ACOX1: variants seen among roughly 807,000 people sequenced by gnomAD.
ACOX1 encodes acyl-CoA oxidase 1, also known as peroxisomal acyl-coenzyme A oxidase 1.
In ACOX1, 41 loss-of-function variants were observed where a neutral mutation model predicts 75.5. That is an observed-to-expected ratio of 0.54 (90% CI 0.42 to 0.70). The LOEUF is 0.70. ACOX1 is among the 30% of genes least tolerant of loss of function. The pLI is 0.00. For synonymous variants in ACOX1, 303 were observed against 298.8 expected, an observed-to-expected ratio of 1.01 and a Z score of -0.15; for missense variants, 630 against 837.5, an observed-to-expected ratio of 0.75 and a Z score of 3.06.
At chr17:75,966,964 T>C (rs1158041968) in intron 2 of ACOX1, among the ~76,000 whole-genome samples, 3 of 148,560 alleles carry the variant, frequency 2.0e-5, no homozygotes, top group Admixed American at 1.4e-4. Context: ...AAGATAATAA[T>C]GGGAAAAAGC....
At chr17:75,963,888 TA>T (rs56150125) in intron 2 of ACOX1, among the ~76,000 whole-genome samples, 302 of 134,552 alleles carry the variant, frequency 2.2e-3, no homozygotes, top group Middle Eastern at 3.9e-3. Context: ...ATTTCAAAAT[TA>T]AAAAAAAAAA....
chr17:75,975,244 T>C (rs2066037080), intron 2 of ACOX1, among the ~76,000 whole-genome samples: 2 of 152,066 alleles, frequency 1.3e-5, no homozygotes, highest in African/African-American at 4.8e-5. Flanking sequence ...CGGCAACCTC[T>C]GCCTCCTAGG....
chr17:75,948,228 G>T (rs753555853), intron 13 of ACOX1, 23 bp downstream of exon 13: 4 of 1,610,708 alleles, frequency 2.5e-6, no homozygotes, highest in African/African-American at 2.7e-5. Flanking sequence ...TTTTAAAAAG[G>T]TGCAGAGACA....
At chr17:75,958,053 C>T (rs756983056) in intron 3 of ACOX1, among the ~76,000 whole-genome samples, 4 of 152,066 alleles carry the variant, frequency 2.6e-5, no homozygotes, top group African/African-American at 4.8e-5. Context: ...AGCCAAAATT[C>T]GTATAAATTA....
At chr17:75,953,275 T>G (rs2065790900) in intron 7 of ACOX1, 176 bp downstream of exon 7, 1 of 654,006 alleles carries the variant, frequency 1.5e-6, no homozygotes, top group African/African-American at 1.8e-5. Context: ...GGTGGTTATT[T>G]CTGTCTTTCC....
At chr17:75,967,709 T>TAC (rs1449731618) in intron 2 of ACOX1, among the ~76,000 whole-genome samples, 1 of 135,478 alleles carries the variant, frequency 7.4e-6, no homozygotes, top group South Asian at 2.2e-4. Context: ...TATATATACA[T>TAC]ATATATATAC....
In ACOX1 at chr17:75,955,939, T is replaced by C; in HGVS notation, c.547A>G (p.Thr183Ala). 2 of 1,614,150 alleles carry C rather than the reference T, an allele frequency of 1.2e-6. No homozygotes were observed. Among genetic ancestry groups the C allele is most frequent in the Non-Finnish European group, 1.7e-6 (2 of 1,180,000 alleles). Residue 183 changes from threonine (T) to alanine (A), a missense_variant, in exon 5 of 14, where the codon ACT becomes GCT. By Grantham distance (58) the Thr-to-Ala change is moderately conservative. Transcript: ENST00000293217. ...IKWWPGGLGK[T>A]SNHAIVLAQL... ...GCAAGAACTATTGCATGATTTGAAG[T>C]CTTTCCAACTGTAATATCAAAGAGA... is the stretch of plus-strand genomic sequence containing the variant.
At chr17:75,955,975 G>A (rs2065821080) in intron 4 of ACOX1, 28 bp from the exon 5 acceptor site, 2 of 1,613,664 alleles carry the variant, frequency 1.2e-6, no homozygotes, top group South Asian at 2.2e-5. Context: ...ACAAGGGAGG[G>A]GTGGGCAAAC....
chr17:75,960,351 C>T lies in ACOX1; in HGVS notation c.294G>A (p.Glu98=), dbSNP rs1291431859. The stretch of plus-strand genomic sequence containing the variant: ...ACATGCCCAAGTGAAGATCCAGAGG[C>T]TCAGGCCGCCCTCGGTGCACAAAAC... ...FKNFVHRGRP[E]PLDLHLGMFL... is the part of the protein sequence containing the mutation. Residue 98 remains glutamate, a synonymous_variant, in exon 3 of 14, where the codon GAG becomes GAA. Transcript: ENST00000293217. This position sits in a 1 kb window ranked among gnomAD's most constrained non-coding sequence, Gnocchi z 4.4. 3 of 1,614,020 alleles carry T rather than the reference C, an allele frequency of 1.9e-6. No homozygotes were observed. Among genetic ancestry groups the T allele is most frequent in the African/African-American group, 1.3e-5 (1 of 74,924 alleles).
intron 2 of ACOX1, among the ~76,000 whole-genome samples, chr17:75,976,733 C>G (rs919434541): frequency 6.6e-6 from 1 of 152,044 alleles, no homozygotes; most frequent in African/African-American, 2.4e-5. Flanking sequence ...AGCTGAAAAT[C>G]GATACCAAAG....
Position 75,949,589 on chromosome 17 carries a change from A to G in ACOX1, c.1490T>C (p.Ile497Thr). ...TTCTTTTTGAAGGTTTTTTGCAGCAATTTCTACTAATCTGTTAAGACATAG... is the reference window on the plus strand; with the variant it reads ...TTCTTTTTGAAGGTTTTTTGCAGCAGTTTCTACTAATCTGTTAAGACATAG... ...YKLRAARLVE[I>T]AAKNLQKEVI... Residue 497 changes from isoleucine to threonine, a missense_variant, in exon 11 of 14, where the codon ATT becomes ACT. Coordinates refer to ENST00000293217, the MANE Select transcript of ACOX1 (RefSeq NM_004035.7). 1.9e-6 allele frequency: 3 copies of G among 1,614,060 alleles called. No homozygotes were observed. The highest frequency in any genetic ancestry group is 2.5e-6 in the Non-Finnish European group (3 of 1,179,996).
rs1453071543 is a variant in ACOX1, at chr17:75,958,154, T to A, written c.431-588A>T. Among the ~76,000 whole-genome samples the A allele has an allele frequency of 1.9e-3, 229 of 119,648 alleles. No homozygotes were observed. The Middle Eastern group carries it at 0.034, about 18-fold the overall frequency. 78.5% of individuals were successfully genotyped at this position (119,648 alleles called of 152,430 possible). Reference sequence around the variant, plus strand: ...TGGATCACGAGGTCAGGAGATCGAGTCCATCCTGGCTAACATGGTGAAACC... The same window carrying A: ...TGGATCACGAGGTCAGGAGATCGAGACCATCCTGGCTAACATGGTGAAACC... On this transcript the variant is annotated intron_variant, in intron 3 of 13. Coordinates refer to ENST00000293217, the MANE Select transcript of ACOX1 (RefSeq NM_004035.7).
At chr17:75,967,697 CATAT>C (rs553599978) in intron 2 of ACOX1, among the ~76,000 whole-genome samples, 1 of 110,548 alleles carries the variant, frequency 9.0e-6, no homozygotes, top group Non-Finnish European at 1.8e-5. Flanking sequence ...TATATACATA[CATAT>C]ATATACATAT....
rs548704220 is a variant in ACOX1, at chr17:75,948,511, T to C, written c.1729-54A>G. 56 of 1,437,022 alleles carry C rather than the reference T, an allele frequency of 3.9e-5. No individual in the cohort carries two copies. In the African/African-American group the frequency reaches 7.7e-4, roughly 20 times the overall value. 89.0% of individuals were successfully genotyped at this position (1,437,022 alleles called of 1,614,324 possible). A position where few individuals can be genotyped will look rare whatever the true frequency, so the allele number is the denominator to read the frequency against. On this transcript the variant is annotated intron_variant, in intron 12 of 13. Transcript: ENST00000293217. ...ACATATATATGTATATAGATAGACATAATTATATGCATATACAGCTATAAA... is the reference window on the plus strand; with the variant it reads ...ACATATATATGTATATAGATAGACACAATTATATGCATATACAGCTATAAA...
chr17:75,943,750 T>C lies in ACOX1; in HGVS notation c.*2998A>G, dbSNP rs2065695454. The C allele has an allele frequency of 6.6e-6, 1 of 152,214 alleles. No individual in the cohort carries two copies. The highest frequency in any genetic ancestry group is 1.9e-4 in the East Asian group (1 of 5,182). The allele number at this position is 152,214 out of a possible 1,614,324, so 9.4% of individuals were successfully genotyped here. A position where few individuals can be genotyped will look rare whatever the true frequency, so the allele number is the denominator to read the frequency against. Reference sequence around the variant, plus strand: ...CTGTGTCATCAACTCTGCTTTGAGGTCACTAATTTTTAAATACAGAGCATA... The same window carrying C: ...CTGTGTCATCAACTCTGCTTTGAGGCCACTAATTTTTAAATACAGAGCATA... On this transcript the variant is annotated 3_prime_UTR_variant, in exon 14 of 14. Coordinates refer to ENST00000293217, the MANE Select transcript of ACOX1 (RefSeq NM_004035.7).
chr17:75,962,072 T>C (rs1325697652), intron 2 of ACOX1, among the ~76,000 whole-genome samples: 2 of 152,154 alleles, frequency 1.3e-5, no homozygotes, highest in Admixed American at 1.3e-4. Flanking sequence ...TAGAACCATA[T>C]TCCTCACATA....
chr17:75,972,088 C>T (rs1283938614), intron 2 of ACOX1, among the ~76,000 whole-genome samples: 1 of 152,078 alleles, frequency 6.6e-6, no homozygotes, highest in Admixed American at 6.6e-5. Context: ...CTTGTAATCC[C>T]AGGACTTTGG....
chr17:75,950,863 A>G lies in ACOX1; in HGVS notation c.1209T>C (p.His403=), dbSNP rs745748429. ...CATAAATATTTGGAAGACCACTGCAATGAGAATAGCCATGCCCACCACAAG... is the reference window on the plus strand; with the variant it reads ...CATAAATATTTGGAAGACCACTGCAGTGAGAATAGCCATGCCCACCACAAG... The part of the protein sequence containing the change: ...RMACGGHGYS[H]CSGLPNIYVN... Residue 403 remains histidine (H), a synonymous_variant, in exon 9 of 14, where the codon CAT becomes CAC. Coordinates refer to ENST00000293217, the MANE Select transcript of ACOX1 (RefSeq NM_004035.7). This position sits in a 1 kb window ranked among gnomAD's most constrained non-coding sequence, Gnocchi z 4.3. The G allele has an allele frequency of 8.1e-6, 13 of 1,614,064 alleles. No homozygotes were observed. The highest frequency in any genetic ancestry group is 2.2e-5 in the South Asian group (2 of 91,088).
intron 7 of ACOX1, 118 bp from the exon 8 acceptor site, chr17:75,951,695 C>T (rs1466637369): frequency 1.0e-6 from 1 of 1,002,230 alleles, no homozygotes; most frequent in Admixed American, 2.1e-5. Flanking sequence ...CTTAAGGGCA[C>T]TGTGAGGTAG....
Sources: allele counts gnomAD v4.1 joint callset (sites outside exome capture counted in the v4.1 genomes callset), GRCh38; gene constraint gnomAD v4.1.1; non-coding constraint Gnocchi (gnomAD v3.1); transcripts MANE v1.5; gene names NCBI Gene and HGNC (gene_info 2026-07-23, HGNC 2026-07-21).